SPOCK3: variants seen among roughly 807,000 people sequenced by gnomAD.
The protein encoded by SPOCK3 is SPARC (osteonectin), cwcv and kazal like domains proteoglycan 3.
SPOCK3 carries 30 observed loss-of-function variants against 56.6 expected under a neutral mutation model. The observed-to-expected ratio is 0.53, with a 90% CI of 0.40 to 0.72. The LOEUF (loss-of-function observed/expected upper bound fraction) is 0.72. Among genes scored for constraint, SPOCK3 ranks in the 30% least tolerant of loss-of-function variants. SPOCK3 has a pLI of 0.00. For synonymous variants in SPOCK3, 196 were observed against 183.3 expected (o/e 1.07, Z -0.56); for missense variants, 527 against 530.0 (o/e 0.99, Z 0.06).
At chr4:167,106,789 A>C (rs1016978951) in intron 2 of SPOCK3, among the ~76,000 whole-genome samples, 1 of 151,694 alleles carries the variant, frequency 6.6e-6, no homozygotes, top group Non-Finnish European at 1.5e-5. Flanking sequence ...AGAAGACCCA[A>C]GTAAATAAAA....
intron 7 of SPOCK3, among the ~76,000 whole-genome samples, chr4:166,771,908 A>G (rs187320861): frequency 6.6e-6 from 1 of 152,078 alleles, no homozygotes; most frequent in Admixed American, 6.5e-5. Flanking sequence ...TTCCAGTAAT[A>G]TTTTCAGGAC....
chr4:167,035,502 G>A (rs1752666490), intron 3 of SPOCK3, among the ~76,000 whole-genome samples: 1 of 152,160 alleles, frequency 6.6e-6, no homozygotes, highest in African/African-American at 2.4e-5. Context: ...TCCTTAAGCA[G>A]AAGGAAGTTA....
At chr4:167,127,679 C>T (rs148470128) in intron 2 of SPOCK3, among the ~76,000 whole-genome samples, 30 of 152,214 alleles carry the variant, frequency 2.0e-4, no homozygotes, top group African/African-American at 6.3e-4. Context: ...CCACTCACCT[C>T]GGCCTCCGAA....
rs1024196078 is a variant in SPOCK3, at chr4:166,954,965, C to G, written c.351-42222G>C. ...CATAGCATAACTTTCTGAGACTCAT[C>G]ATTGTTGACTCTTCTACTAATTCAC... On this transcript the variant is annotated intron_variant, in intron 4 of 10. Transcript: ENST00000357545. Among the ~76,000 whole-genome samples the G allele has an allele frequency of 2.6e-5, 4 of 152,122 alleles. 1 individual carries two copies. The highest frequency in any genetic ancestry group is 4.1e-4 in the South Asian group (2 of 4,834).
intron 2 of SPOCK3, among the ~76,000 whole-genome samples, chr4:167,091,968 T>A (rs926709625): frequency 6.6e-6 from 1 of 152,170 alleles, no homozygotes. Flanking sequence ...TGAAAATAAG[T>A]GCCTGCTCCT....
chr4:166,981,861 C>G (rs754119113), intron 4 of SPOCK3, among the ~76,000 whole-genome samples: 1 of 152,212 alleles, frequency 6.6e-6, no homozygotes, highest in Non-Finnish European at 1.5e-5. Flanking sequence ...AGCACCCAAA[C>G]TCTGGTGGGG....
At chr4:166,875,795 A>T (rs2126961700) in intron 6 of SPOCK3, among the ~76,000 whole-genome samples, 1 of 152,340 alleles carries the variant, frequency 6.6e-6, no homozygotes, top group South Asian at 2.1e-4. Context: ...CAAAGTGCCA[A>T]GTGAAGAGCA....
chr4:166,853,817 G>T (rs1166929368), intron 6 of SPOCK3, among the ~76,000 whole-genome samples: 3 of 152,024 alleles, frequency 2.0e-5, no homozygotes, highest in Non-Finnish European at 4.4e-5. Context: ...AGAAGGCGGA[G>T]GTTGCAGTGA....
chr4:167,220,873 A>C (rs1735845566), intron 2 of SPOCK3, among the ~76,000 whole-genome samples: 1 of 152,174 alleles, frequency 6.6e-6, no homozygotes, highest in African/African-American at 2.4e-5. Flanking sequence ...AGACTAATGA[A>C]GGACAGGCAA....
intron 3 of SPOCK3, among the ~76,000 whole-genome samples, chr4:167,056,137 G>A (rs533722034): frequency 2.6e-5 from 4 of 152,122 alleles, no homozygotes; most frequent in Admixed American, 6.6e-5. Context: ...AGCAGCATTC[G>A]CGGTTCACAA....
At chr4:167,232,979 A>C (rs1027942457) in intron 2 of SPOCK3, among the ~76,000 whole-genome samples, 1 of 152,206 alleles carries the variant, frequency 6.6e-6, no homozygotes, top group African/African-American at 2.4e-5. Flanking sequence ...GATGGACTCC[A>C]CGAGAAATTC....
chr4:167,000,397 T>G lies in SPOCK3; in HGVS notation c.302A>C (p.Gln101Pro), dbSNP rs774090845. Residue 101 changes from glutamine (Q) to proline (P), a missense_variant, in exon 4 of 11, where the codon CAA becomes CCA. Gln to Pro is a moderately conservative substitution (Grantham distance 76). Coordinates refer to ENST00000357545, the MANE Select transcript of SPOCK3 (RefSeq NM_001040159.2). ...AATGCAGACTGCAGTCTGAGAATCT[T>G]GAGCAATGCATACTTTATGGCGACT... ...KCSRHKVCIAQDSQTAVCISH... is the reference protein window; with the variant it reads ...KCSRHKVCIAPDSQTAVCISH... 2 of 1,608,130 alleles carry G rather than the reference T, an allele frequency of 1.2e-6. No homozygotes were observed. Among genetic ancestry groups the G allele is most frequent in the East Asian group, 4.5e-5 (2 of 44,622 alleles).
intron 6 of SPOCK3, among the ~76,000 whole-genome samples, chr4:166,798,918 AT>A (rs1394493577): frequency 1.3e-5 from 2 of 152,190 alleles, no homozygotes; most frequent in Non-Finnish European, 2.9e-5. Flanking sequence ...CAGAAAAAAA[AT>A]ACTTGCATGA....
At chr4:167,167,908 G>T (rs894611682) in intron 2 of SPOCK3, among the ~76,000 whole-genome samples, 9 of 152,096 alleles carry the variant, frequency 5.9e-5, no homozygotes, top group Non-Finnish European at 1.2e-4. Flanking sequence ...AAATGCCAAG[G>T]TTAGGGCCAG....
At chr4:167,126,416 G>C (rs1762284914) in intron 2 of SPOCK3, among the ~76,000 whole-genome samples, 1 of 152,066 alleles carries the variant, frequency 6.6e-6, no homozygotes, top group Admixed American at 6.5e-5. Context: ...GGGCGTGATG[G>C]TGCACACCTG....
intron 2 of SPOCK3, among the ~76,000 whole-genome samples, chr4:167,110,350 C>T (rs569978059): frequency 1.3e-5 from 2 of 152,148 alleles, no homozygotes; most frequent in Non-Finnish European, 2.9e-5. Context: ...AATAAATAAA[C>T]TCTCACCACC....
At chr4:166,986,935 A>T (rs1747233059) in intron 4 of SPOCK3, among the ~76,000 whole-genome samples, 1 of 152,124 alleles carries the variant, frequency 6.6e-6, no homozygotes, top group Non-Finnish European at 1.5e-5. Context: ...TTGCACCACC[A>T]GAATCTTCCC....
chr4:167,156,758 C>G (rs1764854358), intron 2 of SPOCK3, among the ~76,000 whole-genome samples: 1 of 152,078 alleles, frequency 6.6e-6, no homozygotes, highest in Non-Finnish European at 1.5e-5. Flanking sequence ...CCATGGTAAG[C>G]ATTGACAGCA....
chr4:166,736,396 T>C (rs1377430652), intron 10 of SPOCK3, among the ~76,000 whole-genome samples: 2 of 152,268 alleles, frequency 1.3e-5, no homozygotes, highest in Middle Eastern at 3.4e-3. Context: ...GTTCCCTATA[T>C]GTAAAATTTA....
Sources: allele counts gnomAD v4.1 joint callset (sites outside exome capture counted in the v4.1 genomes callset), GRCh38; gene constraint gnomAD v4.1.1; transcripts MANE v1.5; gene names NCBI Gene and HGNC (gene_info 2026-07-23, HGNC 2026-07-21).